Variants in DPY19L1 observed in about 807,000 individuals in gnomAD.
DPY19L1 encodes the protein dpy-19 like C-mannosyltransferase 1.
Under a neutral mutation model 96.9 loss-of-function variants are expected in DPY19L1, and 35 were observed. That is an observed-to-expected ratio of 0.36 (90% CI 0.28 to 0.48). The LOEUF is 0.48. Ranked by LOEUF, DPY19L1 falls within the 20% of genes least tolerant of loss-of-function variation. The pLI, the probability that DPY19L1 is intolerant of heterozygous loss-of-function variation, is 0.99. For missense variants in DPY19L1, 521 were observed against 777.9 expected (o/e 0.67, Z 3.93); for synonymous variants, 205 against 252.6 (o/e 0.81, Z 1.79).
At chr7:34,939,898 G>A (rs1783959457) in intron 19 of DPY19L1, among the ~76,000 whole-genome samples, 1 of 152,072 alleles carries the variant, frequency 6.6e-6, no homozygotes, top group South Asian at 2.1e-4. Context: ...TTATGACTGT[G>A]AATAAATTTT....
At chr7:34,987,722 A>G (rs1488287897) in intron 7 of DPY19L1, among the ~76,000 whole-genome samples, 1 of 152,058 alleles carries the variant, frequency 6.6e-6, no homozygotes, top group East Asian at 1.9e-4. Context: ...GTACTACCAG[A>G]GTAAATATTT....
chr7:34,940,497 C>A (rs542571371), intron 18 of DPY19L1, among the ~76,000 whole-genome samples, 170 bp from the exon 19 acceptor site: 1 of 152,228 alleles, frequency 6.6e-6, no homozygotes, highest in South Asian at 2.1e-4. Context: ...CAAAAGGATT[C>A]TACCATCAGC....
intron 6 of DPY19L1, among the ~76,000 whole-genome samples, chr7:34,992,438 G>T (rs1233628208): frequency 6.6e-6 from 1 of 151,894 alleles, no homozygotes; most frequent in Non-Finnish European, 1.5e-5. Context: ...GTCACATATG[G>T]TTACAACTTC....
intron 1 of DPY19L1, among the ~76,000 whole-genome samples, chr7:35,025,324 C>A (rs1190746578): frequency 6.6e-6 from 1 of 152,016 alleles, no homozygotes; most frequent in Non-Finnish European, 1.5e-5. Context: ...AGAAACATAG[C>A]CAATATCTTT....
chr7:35,013,515 T>C (rs1200086546), intron 4 of DPY19L1, 53 bp downstream of exon 4: 1 of 1,485,084 alleles, frequency 6.7e-7, no homozygotes, highest in Non-Finnish European at 9.3e-7. Context: ...CAGCGTTTAA[T>C]ACAAAAAAGT....
rs1327372721 is a variant in DPY19L1, at chr7:35,016,107, C to T, written c.411+1775G>A. ...AGCCTAATTCTCTTCAGTAAAAAGGCCAAAATACAATGGCCAATCTAGTAG... is the reference window on the plus strand; with the variant it reads ...AGCCTAATTCTCTTCAGTAAAAAGGTCAAAATACAATGGCCAATCTAGTAG... On this transcript the variant is annotated intron_variant, in intron 3 of 21. Coordinates refer to ENST00000638088, the MANE Select transcript of DPY19L1 (RefSeq NM_001366673.1). 5.3e-5 allele frequency among the ~76,000 whole-genome samples: 8 copies of T among 152,004 alleles called. No homozygotes were observed. The East Asian group carries it at 1.5e-3, about 29-fold the overall frequency.
intron 9 of DPY19L1, among the ~76,000 whole-genome samples, chr7:34,969,118 C>T (rs1398330807): frequency 2.6e-5 from 4 of 152,078 alleles, no homozygotes; most frequent in African/African-American, 9.7e-5. Flanking sequence ...AGTTATAGCA[C>T]TAGTCCTCTT....
chr7:34,937,337 G>A (rs1167203888), intron 21 of DPY19L1, among the ~76,000 whole-genome samples: 2 of 152,168 alleles, frequency 1.3e-5, no homozygotes, highest in Admixed American at 1.3e-4. Context: ...TCCATCGACA[G>A]GACATGGTGT....
rs1258490321 is a variant in DPY19L1 at position 35,018,959 on chromosome 7, G to A, written c.299-363C>T. On this transcript the variant is annotated intron_variant, in intron 1 of 21. Transcript: ENST00000638088. ...GGTGGCTGAGGGGTACAGGATTGGG[G>A]GTGGAAGAAAAAAGGGAACTACCAC... Among the ~76,000 whole-genome samples the A allele has an allele frequency of 2.6e-5, 4 of 152,030 alleles. No homozygotes were observed. In the East Asian group the frequency reaches 5.8e-4, roughly 22 times the overall value.
chr7:34,993,799 C>T (rs1298013074), intron 6 of DPY19L1, among the ~76,000 whole-genome samples: 2 of 152,038 alleles, frequency 1.3e-5, no homozygotes, highest in African/African-American at 2.4e-5. Context: ...GTGGCTCATG[C>T]CTGTAATCTC....
intron 14 of DPY19L1, among the ~76,000 whole-genome samples, chr7:34,949,067 GATAAT>G (rs2128784082): frequency 6.6e-6 from 1 of 152,252 alleles, no homozygotes; most frequent in South Asian, 2.1e-4. Context: ...GAGTGACACA[GATAAT>G]ATAATTAATC....
chr7:35,008,672 C>A (rs374975654), intron 6 of DPY19L1, among the ~76,000 whole-genome samples: 1 of 152,212 alleles, frequency 6.6e-6, no homozygotes, highest in Non-Finnish European at 1.5e-5. Context: ...TCACTAGACT[C>A]CAGCCTGGGT....
At chr7:34,949,436 G>A (rs902582739) in intron 14 of DPY19L1, among the ~76,000 whole-genome samples, 2 of 152,136 alleles carry the variant, frequency 1.3e-5, no homozygotes, top group Admixed American at 1.3e-4. Context: ...TGGACTTGAT[G>A]TTTCAAAGCA....
Position 35,011,428 on chromosome 7 carries a change from C to A in DPY19L1, c.572G>T (p.Arg191Leu). The A allele has an allele frequency of 1.9e-6, 3 of 1,607,224 alleles. No individual in the cohort carries two copies. Among genetic ancestry groups the A allele is most frequent in the Non-Finnish European group, 2.5e-6 (3 of 1,178,216 alleles). ...CAAGTCCATTATTTTGGTATAAATCCGGTACCAACTGGCCAAAATTACCTA... is the reference window on the plus strand; with the variant it reads ...CAAGTCCATTATTTTGGTATAAATCAGGTACCAACTGGCCAAAATTACCTA... The part of the protein sequence containing the change: ...YPEVILASWY[R>L]IYTKIMDLIG... Residue 191 changes from arginine (R) to leucine (L), a missense_variant, in exon 5 of 22, where the codon CGG becomes CTG. By Grantham distance (102) the Arg-to-Leu change is moderately radical. Transcript: ENST00000638088.
chr7:34,940,375 T>C lies in DPY19L1; in HGVS notation c.1690-48A>G, dbSNP rs771307124. 14 of 1,519,494 alleles carry C rather than the reference T, an allele frequency of 9.2e-6. No individual in the cohort carries two copies. The East Asian group carries it at 1.9e-4, about 20-fold the overall frequency. The allele number at this position is 1,519,494 out of a possible 1,614,324, so 94.1% of individuals were successfully genotyped here. On this transcript the variant is annotated intron_variant, in intron 18 of 21. Transcript: ENST00000638088. ...TTGGTAATTGTTAGTATAAGTAGTA[T>C]GCATCTGTTATGCAAAACTTCTTCC...
At chr7:35,004,442 T>C (rs1363519934) in intron 6 of DPY19L1, among the ~76,000 whole-genome samples, 1 of 152,168 alleles carries the variant, frequency 6.6e-6, no homozygotes, top group Non-Finnish European at 1.5e-5. Context: ...AGGAAAACAT[T>C]GGTCCAAAAG....
chr7:34,947,451 G>T (rs1392344465), intron 15 of DPY19L1, among the ~76,000 whole-genome samples, 179 bp downstream of exon 15: 2 of 152,152 alleles, frequency 1.3e-5, no homozygotes, highest in African/African-American at 4.8e-5. Context: ...CTAGCAGATA[G>T]AATATTTTGA....
At chr7:34,963,837 A>G (rs191514178) in intron 10 of DPY19L1, among the ~76,000 whole-genome samples, 1 of 152,368 alleles carries the variant, frequency 6.6e-6, no homozygotes, top group East Asian at 1.9e-4. Flanking sequence ...GCCAGTCACA[A>G]AAAGACAAAT....
intron 1 of DPY19L1, among the ~76,000 whole-genome samples, chr7:35,032,623 C>T (rs1355437256): frequency 6.6e-6 from 1 of 152,070 alleles, no homozygotes; most frequent in East Asian, 1.9e-4. Context: ...TCATATCCCA[C>T]CACTGATTGG....
Sources: allele counts gnomAD v4.1 joint callset (sites outside exome capture counted in the v4.1 genomes callset), GRCh38; gene constraint gnomAD v4.1.1; transcripts MANE v1.5; gene names NCBI Gene and HGNC (gene_info 2026-07-23, HGNC 2026-07-21).